Variants in CD59 observed in about 807,000 individuals in gnomAD.
The protein encoded by CD59 is CD59 glycoprotein.
In CD59, 3 loss-of-function variants were observed where a neutral mutation model predicts 7.0. The observed-to-expected ratio is 0.43, with a 90% CI of 0.19 to 1.10. The LOEUF is 1.10. Among genes scored for constraint, CD59 ranks in the 50% least tolerant of loss-of-function variants. The probability of loss-of-function intolerance (pLI) is 0.29; values close to 1 mark genes in which losing one functional copy is unlikely to be tolerated. For missense variants in CD59, 143 were observed against 151.0 expected (o/e 0.95, Z 0.28); for synonymous variants, 60 against 62.0 (o/e 0.97, Z 0.15).
intron 1 of CD59, among the ~76,000 whole-genome samples, chr11:33,729,694 T>G (rs1854358450): frequency 6.8e-6 from 1 of 146,718 alleles, no homozygotes; most frequent in Non-Finnish European, 1.5e-5. Context: ...ACCCCGTATC[T>G]CCGAGAAAAA....
chr11:33,722,139 A>G (rs1335147554), intron 2 of CD59, among the ~76,000 whole-genome samples: 1 of 152,056 alleles, frequency 6.6e-6, no homozygotes, highest in Non-Finnish European at 1.5e-5. Flanking sequence ...CCGATTGTTG[A>G]CCCACCCCTG....
rs895735636 is a variant in CD59, at chr11:33,722,571, AG to A, written c.-18-109del. The A allele has an allele frequency of 2.0e-6, 3 of 1,535,038 alleles. No homozygotes were observed. The African/African-American group carries it at 4.1e-5, about 21-fold the overall frequency. On this transcript the variant is annotated intron_variant, in intron 1 of 3. Coordinates refer to ENST00000642928, the MANE Select transcript of CD59 (RefSeq NM_000611.6). ...GAAGGCTTCTGAGAGGAACATTTAC[AG>A]GGGGAGTCAAGGCACACTGAATCCC...
rs1345617233 is a variant in CD59 at position 33,709,425 on chromosome 11, G to C, written c.*701C>G. 3 of 155,218 alleles carry C rather than the reference G, an allele frequency of 1.9e-5. No homozygotes were observed. The highest frequency in any genetic ancestry group is 1.9e-4 in the Admixed American group (3 of 15,992). The allele number at this position is 155,218 out of a possible 1,614,324, so 9.6% of individuals were successfully genotyped here. A position where few individuals can be genotyped will look rare whatever the true frequency, so the allele number is the denominator to read the frequency against. On this transcript the variant is annotated 3_prime_UTR_variant, in exon 4 of 4. Coordinates refer to ENST00000642928, the MANE Select transcript of CD59 (RefSeq NM_000611.6). ...TATCCTACCATTCCAATAAAAAAAA[G>C]GCAAGGAAATAGCTTTAACACACCA...
chr11:33,717,350 C>CA lies in CD59; in HGVS notation c.169+19dup, dbSNP rs1853841201. On this transcript the variant is annotated intron_variant, in intron 3 of 3. Transcript: ENST00000642928. ...TTATTACCCCATTACATTTAGGAGA[C>CA]AGACAGGGGAGGCTCTTACCAGCTT... 6.6e-7 allele frequency: 1 copy of CA among 1,513,710 alleles called. No homozygotes were observed. The highest frequency in any genetic ancestry group is 1.7e-5 in the Admixed American group (1 of 59,552). The allele number at this position is 1,513,710 out of a possible 1,614,324, so 93.8% of individuals were successfully genotyped here. A position where few individuals can be genotyped will look rare whatever the true frequency, so the allele number is the denominator to read the frequency against.
intron 3 of CD59, 65 bp from the exon 4 acceptor site, chr11:33,710,408 C>G: frequency 8.0e-7 from 1 of 1,252,102 alleles, no homozygotes; most frequent in Non-Finnish European, 1.2e-6. Flanking sequence ...GCTTTTGAAT[C>G]CTCAATTCTA....
At chr11:33,713,855 A>T (rs960448171) in intron 3 of CD59, among the ~76,000 whole-genome samples, 1 of 152,240 alleles carries the variant, frequency 6.6e-6, no homozygotes, top group African/African-American at 2.4e-5. Flanking sequence ...TTATCCACAT[A>T]AAAGTGGCTT....
At chr11:33,723,968 G>T (rs139796988) in intron 1 of CD59, among the ~76,000 whole-genome samples, 4 of 152,262 alleles carry the variant, frequency 2.6e-5, no homozygotes, top group Non-Finnish European at 5.9e-5. Context: ...AATTAGACTG[G>T]TGTGGTGGCA....
At position 33,707,299 on chromosome 11, in the gene CD59, C is replaced by T. The variant is rs1391428236; in HGVS notation, c.*2827G>A. 1 of 152,194 alleles carries T rather than the reference C, an allele frequency of 6.6e-6. No individual in the cohort carries two copies. Among genetic ancestry groups the T allele is most frequent in the Non-Finnish European group, 1.5e-5 (1 of 68,042 alleles). The allele number at this position is 152,194 out of a possible 1,614,324, so 9.4% of individuals were successfully genotyped here. A position where few individuals can be genotyped will look rare whatever the true frequency, so the allele number is the denominator to read the frequency against. On this transcript the variant is annotated 3_prime_UTR_variant, in exon 4 of 4. Coordinates refer to ENST00000642928, the MANE Select transcript of CD59 (RefSeq NM_000611.6). ...GATGTATAAAAGTGGTTAATTCTGT[C>T]AAGAGGCCCAAAGTCTTGGGCAGGC... is the stretch of plus-strand genomic sequence containing the variant.
At chr11:33,733,106 C>T (rs1854465424) in intron 1 of CD59, among the ~76,000 whole-genome samples, 1 of 152,150 alleles carries the variant, frequency 6.6e-6, no homozygotes, top group Non-Finnish European at 1.5e-5. Context: ...AGAAACAGAA[C>T]CTCAGTCCTC....
At chr11:33,726,087 C>A (rs1224018357) in intron 1 of CD59, among the ~76,000 whole-genome samples, 4 of 152,114 alleles carry the variant, frequency 2.6e-5, no homozygotes, top group African/African-American at 7.2e-5. Context: ...TAGTGGGAGA[C>A]TTTAACACCC....
At chr11:33,728,946 C>G (rs928949884) in intron 1 of CD59, among the ~76,000 whole-genome samples, 2 of 152,168 alleles carry the variant, frequency 1.3e-5, no homozygotes, top group East Asian at 3.8e-4. Context: ...TAGAGAAATG[C>G]AAATCAAAAC....
intron 2 of CD59, chr11:33,719,159 G>C (rs1175515738): frequency 6.6e-6 from 1 of 152,246 alleles, no homozygotes; most frequent in Non-Finnish European, 1.5e-5. Flanking sequence ...GGAAAGTCCA[G>C]TGGAAGCAAG....
Position 33,705,293 on chromosome 11 carries a change from C to T in CD59, c.*4833G>A, listed in dbSNP as rs576484897. ...TGTCCACAAGCAACAGAAGCTTACA[C>T]TGAGAATTTATTGGAGGGCTTTGAG... On this transcript the variant is annotated 3_prime_UTR_variant, in exon 4 of 4. Transcript: ENST00000642928. 2.6e-5 allele frequency: 4 copies of T among 152,338 alleles called. No individual in the cohort carries two copies. The East Asian group carries it at 5.8e-4, about 22-fold the overall frequency. 9.4% of individuals were successfully genotyped at this position (152,338 alleles called of 1,614,324 possible).
intron 3 of CD59, among the ~76,000 whole-genome samples, chr11:33,710,720 T>TC (rs200118666): frequency 0.073 from 10,669 of 145,492 alleles, 836 homozygotes; most frequent in African/African-American, 0.21. Context: ...TTCCTTTTCT[T>TC]TTCTTTTTTT....
chr11:33,733,698 C>G (rs889348104), intron 1 of CD59: 2 of 152,200 alleles, frequency 1.3e-5, no homozygotes, highest in African/African-American at 2.4e-5. Context: ...AAACCCAGGT[C>G]TAAGCTCTGA....
chr11:33,727,754 T>G (rs1854300917), intron 1 of CD59, among the ~76,000 whole-genome samples: 1 of 152,238 alleles, frequency 6.6e-6, no homozygotes, highest in South Asian at 2.1e-4. Context: ...ATGACATGAC[T>G]GTGTATTTAG....
rs1476021439 is a variant in CD59, at chr11:33,709,518, A to G, written c.*608T>C. ...CCCATATAAAATTTAAAGACAGAGG[A>G]AAAACTCGATTTTCAGCCACTTGTA... is the stretch of plus-strand genomic sequence containing the variant. On this transcript the variant is annotated 3_prime_UTR_variant, in exon 4 of 4. Coordinates refer to ENST00000642928, the MANE Select transcript of CD59 (RefSeq NM_000611.6). 2 of 160,096 alleles carry G rather than the reference A, an allele frequency of 1.2e-5. No homozygotes were observed. The highest frequency in any genetic ancestry group is 5.8e-5 in the Admixed American group (1 of 17,288). 9.9% of individuals were successfully genotyped at this position (160,096 alleles called of 1,614,324 possible).
chr11:33,730,742 C>T (rs1257715726), intron 1 of CD59, among the ~76,000 whole-genome samples: 4 of 152,108 alleles, frequency 2.6e-5, no homozygotes, highest in African/African-American at 4.8e-5. Context: ...GTGTTAAGCG[C>T]AATAGTGTAA....
At chr11:33,714,394 T>A (rs1182306529) in intron 3 of CD59, among the ~76,000 whole-genome samples, 1 of 152,202 alleles carries the variant, frequency 6.6e-6, no homozygotes, top group Non-Finnish European at 1.5e-5. Flanking sequence ...CAAAAGATTT[T>A]AAAAATGGTA....
Sources: allele counts gnomAD v4.1 joint callset (sites outside exome capture counted in the v4.1 genomes callset), GRCh38; gene constraint gnomAD v4.1.1; transcripts MANE v1.5; gene names NCBI Gene and HGNC (gene_info 2026-07-23, HGNC 2026-07-21).